The following ATP8B4 variants were observed in gnomAD, a reference collection of about 807,000 sequenced individuals.
ATP8B4 encodes probable phospholipid-transporting ATPase IM.
In ATP8B4, 133 loss-of-function variants were observed where a neutral mutation model predicts 145.6. That is an observed-to-expected ratio of 0.91 (90% CI 0.79 to 1.05). The LOEUF (loss-of-function observed/expected upper bound fraction) is 1.05. ATP8B4 is among the 50% of genes least tolerant of loss of function. ATP8B4 has a pLI of 0.00. For synonymous variants in ATP8B4, 507 were observed against 492.9 expected (o/e 1.03, Z -0.38); for missense variants, 1,458 against 1,425.2 (o/e 1.02, Z -0.37).
chr15:49,922,954 C>T (rs1276500391), intron 17 of ATP8B4, among the ~76,000 whole-genome samples: 1 of 152,200 alleles, frequency 6.6e-6, no homozygotes, highest in Non-Finnish European at 1.5e-5. Flanking sequence ...AATCTAAACA[C>T]AACTCTAAAC....
intron 10 of ATP8B4, among the ~76,000 whole-genome samples, chr15:49,983,399 T>C (rs1454953776): frequency 6.6e-6 from 1 of 152,284 alleles, no homozygotes; most frequent in East Asian, 1.9e-4. Context: ...GATAACTTTA[T>C]CATCCTCACC....
intron 2 of ATP8B4, among the ~76,000 whole-genome samples, chr15:50,094,583 C>T (rs1026276765): frequency 2.0e-5 from 3 of 147,470 alleles, no homozygotes; most frequent in African/African-American, 7.4e-5. Context: ...TGTATATACA[C>T]ATATATACAA....
At chr15:50,026,373 A>G (rs1298162204) in intron 6 of ATP8B4, among the ~76,000 whole-genome samples, 1 of 152,170 alleles carries the variant, frequency 6.6e-6, no homozygotes, top group Non-Finnish European at 1.5e-5. Context: ...TAGAGTCCTC[A>G]GTCCCAGACC....
intron 1 of ATP8B4, among the ~76,000 whole-genome samples, chr15:50,110,236 A>G (rs2056873552): frequency 6.6e-6 from 1 of 152,192 alleles, no homozygotes; most frequent in Non-Finnish European, 1.5e-5. Context: ...ATAAAGTAAC[A>G]TCGAAAAAAT....
rs1019251645 is a variant in ATP8B4 at position 49,978,380 on chromosome 15, C to T, written c.1034+1237G>A. On this transcript the variant is annotated intron_variant, in intron 12 of 27. Transcript: ENST00000284509. Reference sequence around the variant, plus strand: ...CCTCTCTGACCACAGCTCCAGAGGGCCCGAAGCAATATGTGGTATTGTGGC... The same window carrying T: ...CCTCTCTGACCACAGCTCCAGAGGGTCCGAAGCAATATGTGGTATTGTGGC... Among the ~76,000 whole-genome samples the T allele has an allele frequency of 5.9e-5, 9 of 152,068 alleles. No homozygotes were observed. The South Asian group carries it at 1.9e-3, about 32-fold the overall frequency.
intron 1 of ATP8B4, among the ~76,000 whole-genome samples, chr15:50,172,145 T>TCCCTCC (rs1351255594): frequency 6.6e-6 from 1 of 152,184 alleles, no homozygotes; most frequent in Non-Finnish European, 1.5e-5. Flanking sequence ...GGTCTCCCTC[T>TCCCTCC]CCCTCCCACT....
chr15:49,980,479 G>A (rs1277172484), intron 11 of ATP8B4, among the ~76,000 whole-genome samples: 2 of 152,144 alleles, frequency 1.3e-5, no homozygotes, highest in Admixed American at 6.6e-5. Flanking sequence ...GTATGAGGTA[G>A]CACAGGATTA....
intron 1 of ATP8B4, among the ~76,000 whole-genome samples, chr15:50,168,994 T>C (rs2044632379): frequency 6.6e-6 from 1 of 152,092 alleles, no homozygotes. Context: ...CCTGGGAATC[T>C]CACCCCCATC....
intron 6 of ATP8B4, among the ~76,000 whole-genome samples, chr15:50,036,110 T>C (rs1037786754): frequency 6.6e-6 from 1 of 152,198 alleles, no homozygotes; most frequent in Non-Finnish European, 1.5e-5. Context: ...TTAACTACTA[T>C]CTTATACCTG....
At chr15:49,987,343 G>A (rs377525740) in intron 10 of ATP8B4, 48 bp downstream of exon 10, 153 of 1,585,346 alleles carry the variant, frequency 9.7e-5, no homozygotes, top group Non-Finnish European at 1.1e-4. Flanking sequence ...GCTGGTGTAC[G>A]TTGCAGGAAA....
chr15:50,050,966 CCTAT>C (rs567061616), intron 3 of ATP8B4, among the ~76,000 whole-genome samples: 21 of 152,204 alleles, frequency 1.4e-4, no homozygotes, highest in Admixed American at 9.2e-4. Flanking sequence ...AGCCATCACT[CCTAT>C]CTGTTTTTTT....
chr15:50,114,103 CT>C (rs755159123), intron 1 of ATP8B4, among the ~76,000 whole-genome samples: 14 of 55,652 alleles, frequency 2.5e-4, no homozygotes, highest in African/African-American at 8.0e-4. Context: ...CTCCTAGTTT[CT>C]TTTTTTTTTT....
intron 17 of ATP8B4, among the ~76,000 whole-genome samples, chr15:49,922,696 C>A (rs1181629381): frequency 6.6e-6 from 1 of 152,164 alleles, no homozygotes; most frequent in East Asian, 1.9e-4. Flanking sequence ...TTGAGACACA[C>A]TTGAATCTCA....
intron 23 of ATP8B4, among the ~76,000 whole-genome samples, chr15:49,884,683 C>T (rs1257120617): frequency 6.6e-6 from 1 of 150,680 alleles, no homozygotes; most frequent in African/African-American, 2.4e-5. Context: ...TAATTGAGAG[C>T]ATACACAATT....
intron 5 of ATP8B4, among the ~76,000 whole-genome samples, chr15:50,040,091 T>C (rs771872825): frequency 4.6e-5 from 7 of 152,194 alleles, no homozygotes; most frequent in Non-Finnish European, 1.0e-4. Flanking sequence ...CTCCACCATA[T>C]CTACACAGCA....
At chr15:50,012,310 T>C (rs1273726576) in intron 6 of ATP8B4, among the ~76,000 whole-genome samples, 4 of 152,166 alleles carry the variant, frequency 2.6e-5, no homozygotes, top group African/African-American at 9.7e-5. Context: ...AGAAGGCTAT[T>C]GTGTCATTTT....
At chr15:49,985,724 C>G (rs2046545053) in intron 10 of ATP8B4, among the ~76,000 whole-genome samples, 1 of 152,122 alleles carries the variant, frequency 6.6e-6, no homozygotes, top group African/African-American at 2.4e-5. Context: ...TTTTCCAACT[C>G]TCAGCCTAGA....
At chr15:50,005,403 T>C (rs1416758730) in intron 7 of ATP8B4, among the ~76,000 whole-genome samples, 1 of 152,220 alleles carries the variant, frequency 6.6e-6, no homozygotes, top group African/African-American at 2.4e-5. Flanking sequence ...CCTAAAGCTG[T>C]ACAATTCTTT....
intron 13 of ATP8B4, among the ~76,000 whole-genome samples, chr15:49,967,187 A>AT (rs2044633087): frequency 6.6e-6 from 1 of 152,240 alleles, no homozygotes; most frequent in South Asian, 2.1e-4. Flanking sequence ...AAAGCTGAAA[A>AT]TGCCAAAAAC....
Sources: gnomAD v4.1 joint callset for allele counts (sites outside exome capture counted in the v4.1 genomes callset) on GRCh38, gnomAD v4.1.1 for gene constraint, MANE v1.5 for transcripts, NCBI Gene and HGNC (gene_info 2026-07-23, HGNC 2026-07-21) for gene names.